SPON1: variants seen among roughly 807,000 people sequenced by gnomAD.
The protein encoded by SPON1 is spondin 1, also known as spondin-1.
SPON1 carries 52 observed loss-of-function variants against 111.7 expected under a neutral mutation model. The ratio of observed to expected loss-of-function variants is 0.47; its 90% CI spans 0.37 to 0.59. The LOEUF (loss-of-function observed/expected upper bound fraction) is 0.59. Ranked by LOEUF, SPON1 falls within the 20% of genes least tolerant of loss-of-function variation. SPON1 has a pLI of 0.00. For synonymous variants in SPON1, 410 were observed against 395.8 expected, an observed-to-expected ratio of 1.04 and a Z score of -0.43; for missense variants, 957 against 1,068.5, an observed-to-expected ratio of 0.90 and a Z score of 1.46.
chr11:13,984,294 C>G (rs186106244), intron 2 of SPON1, among the ~76,000 whole-genome samples: 1 of 152,214 alleles, frequency 6.6e-6, no homozygotes, highest in East Asian at 1.9e-4. Context: ...AATCACTTGC[C>G]TAAGCTTGCT....
chr11:14,085,419 C>CT (rs1325639760), intron 5 of SPON1, among the ~76,000 whole-genome samples: 57 of 151,220 alleles, frequency 3.8e-4, no homozygotes, highest in Middle Eastern at 3.4e-3. Flanking sequence ...TTCCCCACTG[C>CT]TTTTTTTTTG....
intron 1 of SPON1, among the ~76,000 whole-genome samples, 165 bp downstream of exon 1, chr11:13,963,307 C>T (rs1031068356): frequency 2.9e-4 from 44 of 152,262 alleles, no homozygotes; most frequent in African/African-American, 8.2e-4. Flanking sequence ...CAGTCGCGAG[C>T]TCGGCGCGGA....
chr11:14,265,476 GTTCCGTCCCGTTT>G (rs782042841), intron 15 of SPON1, 35 bp from the exon 16 acceptor site: 1 of 1,578,178 alleles, frequency 6.3e-7, no homozygotes. Flanking sequence ...CAGCATCCCT[GTTCCGTCCCGTTT>G]CTGCGGGCCT....
chr11:14,260,710 G>A lies in SPON1; in HGVS notation c.1954G>A (p.Glu652Lys). The A allele has an allele frequency of 6.2e-7, 1 of 1,613,996 alleles. No homozygotes were observed. Among genetic ancestry groups the A allele is most frequent in the Non-Finnish European group, 8.5e-7 (1 of 1,179,890 alleles). Residue 652 changes from glutamate to lysine, a missense_variant, in exon 14 of 16, where the codon GAG becomes AAG. This residue lies in a region of SPON1 where 549 missense variants were observed against 606.2 expected (regional missense o/e 0.91). Coordinates refer to ENST00000576479, the MANE Select transcript of SPON1 (RefSeq NM_006108.4). ...KSLAELGDCNEDLEQVEKCML... is the reference protein window; with the variant it reads ...KSLAELGDCNKDLEQVEKCML... ...TCTGGCAGAACTTGGAGACTGCAAT[G>A]AGGATCTGGAGCAGGTGGAGAAGTG...
chr11:14,005,235 C>A (rs563194689), intron 2 of SPON1, among the ~76,000 whole-genome samples: 122 of 152,330 alleles, frequency 8.0e-4, no homozygotes, highest in Middle Eastern at 6.8e-3. Context: ...TTGTTGGCAG[C>A]TGCCCTGTGT....
chr11:14,215,805 C>A (rs1554937106), intron 6 of SPON1, among the ~76,000 whole-genome samples: 1 of 152,246 alleles, frequency 6.6e-6, no homozygotes, highest in Non-Finnish European at 1.5e-5. Context: ...GTGAGCAACA[C>A]AGGCTGGTGG....
At chr11:14,246,650 G>C (rs751020726) in intron 7 of SPON1, among the ~76,000 whole-genome samples, 6 of 152,110 alleles carry the variant, frequency 3.9e-5, no homozygotes, top group Non-Finnish European at 7.4e-5. Context: ...CTATCAAGGA[G>C]GACTGAAACA....
chr11:14,080,451 A>G (rs1403687482), intron 5 of SPON1, among the ~76,000 whole-genome samples: 4 of 151,992 alleles, frequency 2.6e-5, no homozygotes, highest in African/African-American at 9.7e-5. Context: ...CTGGTCTTGA[A>G]CACCTGACCT....
At chr11:14,119,428 A>G (rs2133852997) in intron 5 of SPON1, among the ~76,000 whole-genome samples, 1 of 152,184 alleles carries the variant, frequency 6.6e-6, no homozygotes, top group African/African-American at 2.4e-5. Flanking sequence ...CCCCCTATTG[A>G]CCAAGGGTTG....
At chr11:13,997,162 G>A (rs1848279784) in intron 2 of SPON1, among the ~76,000 whole-genome samples, 1 of 152,170 alleles carries the variant, frequency 6.6e-6, no homozygotes, top group East Asian at 1.9e-4. Flanking sequence ...CTCTATTTCT[G>A]GAGGCAGCCG....
intron 7 of SPON1, among the ~76,000 whole-genome samples, chr11:14,253,080 A>G (rs1388752287): frequency 2.6e-5 from 4 of 152,196 alleles, no homozygotes; most frequent in Non-Finnish European, 4.4e-5. Flanking sequence ...CTTAGGTAGC[A>G]GGTAGTGTGG....
At chr11:14,125,560 G>T (rs11820622) in intron 5 of SPON1, among the ~76,000 whole-genome samples, 3,193 of 152,288 alleles carry the variant, frequency 0.021, 106 homozygotes, top group African/African-American at 0.072. Context: ...GACAACAGAA[G>T]GTTGCAGCAA....
At chr11:14,201,273 G>C (rs1325782388) in intron 6 of SPON1, among the ~76,000 whole-genome samples, 1 of 151,876 alleles carries the variant, frequency 6.6e-6, no homozygotes, top group African/African-American at 2.4e-5. Flanking sequence ...CCAGGAGGCA[G>C]AGCTTGCAAT....
At chr11:14,188,203 C>T (rs1554934248) in intron 6 of SPON1, among the ~76,000 whole-genome samples, 1 of 152,072 alleles carries the variant, frequency 6.6e-6, no homozygotes, top group African/African-American at 2.4e-5. Flanking sequence ...CCACTGTGCC[C>T]GGCCCGTAAA....
intron 1 of SPON1, among the ~76,000 whole-genome samples, chr11:13,971,974 C>A (rs960770641): frequency 5.6e-4 from 85 of 152,154 alleles, no homozygotes; most frequent in African/African-American, 2.0e-3. Flanking sequence ...ACACATCTGT[C>A]CAAGGTTCTG....
At chr11:14,132,064 G>A (rs1393518208) in intron 5 of SPON1, among the ~76,000 whole-genome samples, 1 of 152,168 alleles carries the variant, frequency 6.6e-6, no homozygotes, top group Admixed American at 6.5e-5. Flanking sequence ...AAATCACAAG[G>A]TCAGGAGTTT....
At chr11:14,253,257 C>T (rs1849071311) in intron 7 of SPON1, among the ~76,000 whole-genome samples, 1 of 152,236 alleles carries the variant, frequency 6.6e-6, no homozygotes, top group Non-Finnish European at 1.5e-5. Context: ...CACCTGTCCC[C>T]TTTCTGATCT....
chr11:14,265,506 G>A lies in SPON1; in HGVS notation c.2261-18G>A. On this transcript the variant is annotated intron_variant, in intron 15 of 15. Transcript: ENST00000576479. ...GTCCCGTTTCTGCGGGCCTAACAAG[G>A]CATTCTCATGCTTTCAGGTTGTAGG... 1.2e-6 allele frequency: 2 copies of A among 1,609,036 alleles called. No individual in the cohort carries two copies. The highest frequency in any genetic ancestry group is 8.5e-7 in the Non-Finnish European group (1 of 1,177,766).
chr11:14,071,444 AC>A (rs1449828745), intron 3 of SPON1, among the ~76,000 whole-genome samples: 1 of 152,008 alleles, frequency 6.6e-6, no homozygotes, highest in Non-Finnish European at 1.5e-5. Flanking sequence ...AGCAACTCCC[AC>A]GTCCACACTC....
Sources: gnomAD v4.1 joint callset for allele counts (sites outside exome capture counted in the v4.1 genomes callset) on GRCh38, gnomAD v4.1.1 for gene constraint, gnomAD v4.1.1 regional missense constraint, MANE v1.5 for transcripts, NCBI Gene and HGNC (gene_info 2026-07-23, HGNC 2026-07-21) for gene names.